Variants in GABRA5 observed in about 807,000 individuals in gnomAD.
GABRA5 encodes the protein gamma-aminobutyric acid type A receptor subunit alpha5, also known as gamma-aminobutyric acid receptor subunit alpha-5.
In GABRA5, 18 loss-of-function variants were observed where a neutral mutation model predicts 47.3. The ratio of observed to expected loss-of-function variants is 0.38; its 90% CI spans 0.26 to 0.56. The LOEUF is 0.56. GABRA5 is among the 20% of genes least tolerant of loss of function. The pLI is 0.71. For missense variants in GABRA5, 365 were observed against 599.3 expected (o/e 0.61, Z 4.08); for synonymous variants, 237 against 229.3 (o/e 1.03, Z -0.30).
At chr15:26,894,661 C>T (rs1893134779) in intron 6 of GABRA5, among the ~76,000 whole-genome samples, 1 of 152,158 alleles carries the variant, frequency 6.6e-6, no homozygotes, top group African/African-American at 2.4e-5. Flanking sequence ...TTCCTGTACT[C>T]TCTGGTCCTG....
At chr15:26,877,353 C>T (rs1374737365) in intron 3 of GABRA5, among the ~76,000 whole-genome samples, 1 of 152,120 alleles carries the variant, frequency 6.6e-6, no homozygotes, top group Non-Finnish European at 1.5e-5. Flanking sequence ...AGGAAAACAT[C>T]ACACAATGGT....
Position 26,949,112 on chromosome 15 carries a change from T to A in GABRA5, c.*879T>A, listed in dbSNP as rs1021680125. ...TTGAGTTATTTTCCATTTTATTTCC[T>A]TGTATGTATTTCATGACTGGACTTA... On this transcript the variant is annotated 3_prime_UTR_variant, in exon 11 of 11. Transcript: ENST00000335625. 1.3e-5 allele frequency: 2 copies of A among 152,218 alleles called. No individual in the cohort carries two copies. The highest frequency in any genetic ancestry group is 4.8e-5 in the African/African-American group (2 of 41,458). 9.4% of individuals were successfully genotyped at this position (152,218 alleles called of 1,614,324 possible).
chr15:26,945,150 C>T (rs532535779), intron 10 of GABRA5, among the ~76,000 whole-genome samples: 7 of 152,310 alleles, frequency 4.6e-5, no homozygotes, highest in African/African-American at 1.4e-4. Flanking sequence ...TGTTCAGACT[C>T]GTTCCTGGGA....
intron 9 of GABRA5, among the ~76,000 whole-genome samples, chr15:26,941,314 G>C (rs139413221): frequency 6.6e-6 from 1 of 152,028 alleles, no homozygotes; most frequent in Admixed American, 6.6e-5. Flanking sequence ...GTTTTTTGGC[G>C]GGGGGTGGAG....
At chr15:26,897,633 C>G (rs891009457) in intron 6 of GABRA5, among the ~76,000 whole-genome samples, 4 of 152,186 alleles carry the variant, frequency 2.6e-5, no homozygotes, top group Admixed American at 2.6e-4. Context: ...TTTACAAACT[C>G]AACAGGAGTA....
chr15:26,914,754 T>C, intron 6 of GABRA5, 49 bp from the exon 7 acceptor site: 1 of 1,434,186 alleles, frequency 7.0e-7, no homozygotes, highest in Non-Finnish European at 9.8e-7. Context: ...GCTCAGTGAA[T>C]GGCTAGAGTG....
At chr15:26,930,065 G>A (rs899926231) in intron 7 of GABRA5, among the ~76,000 whole-genome samples, 12 of 146,378 alleles carry the variant, frequency 8.2e-5, no homozygotes, top group African/African-American at 2.6e-4. Flanking sequence ...TGTCACTCAG[G>A]ATGGAGTGCA....
intron 6 of GABRA5, among the ~76,000 whole-genome samples, chr15:26,894,123 G>T (rs1357639698): frequency 6.6e-6 from 1 of 152,146 alleles, no homozygotes; most frequent in Admixed American, 6.5e-5. Context: ...GGCCCGGGCA[G>T]AAGCCCTGCC....
At position 26,883,563 on chromosome 15, in the gene GABRA5, C is replaced by CGGG; in HGVS notation, c.497+7_497+8insGGG. 7.2e-7 allele frequency: 1 copy of CGGG among 1,385,706 alleles called. No individual in the cohort carries two copies. The highest frequency in any genetic ancestry group is 1.0e-6 in the Non-Finnish European group (1 of 989,816). The allele number at this position is 1,385,706 out of a possible 1,614,324, so 85.8% of individuals were successfully genotyped here. On this transcript the variant is annotated splice_region_variant and intron_variant, in intron 6 of 10. Coordinates refer to ENST00000335625, the MANE Select transcript of GABRA5 (RefSeq NM_000810.4). The surrounding 1 kb of genome is among the most constrained non-coding windows in gnomAD (Gnocchi z 4.8). ...ACCCTGCTCTACACCATGCGGTGAG[C>CGGG]GCCGGGCGGGGGCGGGCGGGGCCGG...
Position 26,948,088 on chromosome 15 carries a change from G to A in GABRA5, c.1244G>A (p.Ser415Asn), listed in dbSNP as rs772424740. The A allele has an allele frequency of 1.2e-6, 2 of 1,611,980 alleles. No homozygotes were observed. The highest frequency in any genetic ancestry group is 1.7e-6 in the Non-Finnish European group (2 of 1,179,018). Reference protein sequence around the residue: ...VKPSEEKTSESKKTYNSISKI... With the variant: ...VKPSEEKTSENKKTYNSISKI... ...CCCTCTGAAGAGAAGACTTCTGAAA[G>A]CAAAAAGACTTACAACAGTATCAGC... The change falls in exon 11 of 11, where the codon AGC becomes AAC. Residue 415 changes from serine to asparagine, a missense_variant. Physicochemically the swap from Ser to Asn is conservative, Grantham distance 46. Transcript: ENST00000335625.
chr15:26,911,934 G>A (rs761971864), intron 6 of GABRA5, among the ~76,000 whole-genome samples: 4 of 152,132 alleles, frequency 2.6e-5, no homozygotes, highest in Non-Finnish European at 5.9e-5. Flanking sequence ...TAGACTGTGT[G>A]GGGTTATAGT....
chr15:26,875,360 C>T (rs1401244905), intron 3 of GABRA5, among the ~76,000 whole-genome samples: 1 of 152,222 alleles, frequency 6.6e-6, no homozygotes, highest in African/African-American at 2.4e-5. Context: ...CATGCTCTCA[C>T]CATGCACCAG....
chr15:26,881,144 C>T (rs755856313), intron 4 of GABRA5, among the ~76,000 whole-genome samples, 177 bp downstream of exon 4: 1 of 151,984 alleles, frequency 6.6e-6, no homozygotes, highest in Non-Finnish European at 1.5e-5. Flanking sequence ...ATTGTCTAGA[C>T]GCAAGATCCT....
intron 7 of GABRA5, among the ~76,000 whole-genome samples, chr15:26,932,641 A>T (rs758927524): frequency 6.6e-6 from 1 of 152,234 alleles, no homozygotes; most frequent in Non-Finnish European, 1.5e-5. Flanking sequence ...ATAAATCATT[A>T]TTCTATTATA....
chr15:26,911,397 A>ACACAC (rs778398739), intron 6 of GABRA5, among the ~76,000 whole-genome samples: 4 of 117,438 alleles, frequency 3.4e-5, no homozygotes, highest in African/African-American at 9.4e-5. Context: ...ACACACACAC[A>ACACAC]AACACACACA....
In GABRA5 at chr15:26,897,259, G is replaced by A. The variant is rs142058859; in HGVS notation, c.497+13702G>A. On this transcript the variant is annotated intron_variant, in intron 6 of 10. Transcript: ENST00000335625. ...AGGGGTTCTAAAGAAGTAATTAAATGAATTTGAGGTCATTAGGAAGGGCCC... is the reference window on the plus strand; with the variant it reads ...AGGGGTTCTAAAGAAGTAATTAAATAAATTTGAGGTCATTAGGAAGGGCCC... 8.7e-3 allele frequency among the ~76,000 whole-genome samples: 1,321 copies of A among 152,208 alleles called. 24 individuals are homozygous for A. The highest frequency in any genetic ancestry group is 0.029 in the African/African-American group (1,213 of 41,514).
At chr15:26,941,265 C>T (rs28391041) in intron 9 of GABRA5, among the ~76,000 whole-genome samples, 148 of 151,914 alleles carry the variant, frequency 9.7e-4, no homozygotes, top group African/African-American at 3.3e-3. Context: ...AGCTGGTAGG[C>T]AGAAAAAAAG....
In GABRA5 at chr15:26,880,864, C is replaced by T. The variant is rs753011521; in HGVS notation, c.105C>T (p.Thr35=). Residue 35 remains threonine (T), a synonymous_variant, in exon 4 of 11, where the codon ACC becomes ACT. Coordinates refer to ENST00000335625, the MANE Select transcript of GABRA5 (RefSeq NM_000810.4). ...TTAAAAGCTTTTCACAGATGCCAACCAGTTCAGTGAAAGATGAGACCAATG... is the reference window on the plus strand; with the variant it reads ...TTAAAAGCTTTTCACAGATGCCAACTAGTTCAGTGAAAGATGAGACCAATG... The part of the protein sequence containing the change: ...SSHFGFSQMP[T]SSVKDETNDN... 2.5e-6 allele frequency: 4 copies of T among 1,613,792 alleles called. No individual in the cohort carries two copies. The highest frequency in any genetic ancestry group is 3.4e-6 in the Non-Finnish European group (4 of 1,179,766).
chr15:26,869,343 C>T lies in GABRA5; in HGVS notation c.86+9C>T. 1 of 1,533,548 alleles carries T rather than the reference C, an allele frequency of 6.5e-7. No homozygotes were observed. Among genetic ancestry groups the T allele is most frequent in the Non-Finnish European group, 9.0e-7 (1 of 1,106,746 alleles). 95.0% of individuals were successfully genotyped at this position (1,533,548 alleles called of 1,614,324 possible). A position where few individuals can be genotyped will look rare whatever the true frequency, so the allele number is the denominator to read the frequency against. On this transcript the variant is annotated intron_variant, in intron 3 of 10. Transcript: ENST00000335625. ...TTATCCAGTCACTTTGGGTAAGTTA[C>T]CATCTGTGCTTTTATTTTATGATGT...
Sources: allele counts gnomAD v4.1 joint callset (sites outside exome capture counted in the v4.1 genomes callset), GRCh38; gene constraint gnomAD v4.1.1; non-coding constraint Gnocchi (gnomAD v3.1); transcripts MANE v1.5; gene names NCBI Gene and HGNC (gene_info 2026-07-23, HGNC 2026-07-21).